CELF2: variants seen among roughly 807,000 people sequenced by gnomAD.
CELF2 encodes CUGBP Elav-like family member 2, also known as CUG triplet repeat RNA-binding protein 2.
In CELF2, 8 loss-of-function variants were observed where a neutral mutation model predicts 62.6. The ratio of observed to expected loss-of-function variants is 0.13; its 90% CI spans 0.07 to 0.23. The LOEUF (loss-of-function observed/expected upper bound fraction) is 0.23. Among genes scored for constraint, CELF2 ranks in the 10% least tolerant of loss-of-function variants. The pLI is 1.00. For synonymous variants in CELF2, 258 were observed against 250.0 expected, an observed-to-expected ratio of 1.03 and a Z score of -0.30; for missense variants, 333 against 671.0, an observed-to-expected ratio of 0.50 and a Z score of 5.56.
In CELF2 at chr10:10,993,337, G is replaced by C. The variant is rs1001561661; in HGVS notation, c.89+73338G>C. ...ACTCATTTCAAAGCCATCACAAGAG[G>C]CATCTAATTGAAGCTACTAGAAAGA... On this transcript the variant is annotated intron_variant, in intron 2 of 13. Transcript: ENST00000636488. The surrounding 1 kb of genome is among the most constrained non-coding windows in gnomAD (Gnocchi z 5.3). Among the ~76,000 whole-genome samples the C allele has an allele frequency of 4.6e-5, 7 of 152,062 alleles. No individual in the cohort carries two copies. The highest frequency in any genetic ancestry group is 1.0e-4 in the Non-Finnish European group (7 of 68,006).
chr10:10,919,893 G>T, intron 1 of CELF2: 8 of 1,012,268 alleles, frequency 7.9e-6, no homozygotes, highest in Non-Finnish European at 1.0e-5. Context: ...CTTATTATGT[G>T]ATTAAATACA....
intron 1 of CELF2, among the ~76,000 whole-genome samples, chr10:11,129,735 A>AT (rs1564860719): frequency 1.3e-5 from 2 of 152,156 alleles, no homozygotes; most frequent in Non-Finnish European, 2.9e-5. Flanking sequence ...CCCCGTTATC[A>AT]TTTTTTATTG....
intron 1 of CELF2, among the ~76,000 whole-genome samples, chr10:11,056,568 C>T (rs1480895746): frequency 6.6e-6 from 1 of 152,090 alleles, no homozygotes; most frequent in African/African-American, 2.4e-5. Context: ...AATTCTTGTG[C>T]AGAAAGGGAA....
chr10:11,272,206 G>A (rs926897751), intron 7 of CELF2, among the ~76,000 whole-genome samples: 2 of 152,164 alleles, frequency 1.3e-5, no homozygotes, highest in Non-Finnish European at 2.9e-5. Flanking sequence ...ATCACTTTCT[G>A]TCCATTTCTC....
intron 1 of CELF2, among the ~76,000 whole-genome samples, chr10:11,076,007 A>G (rs940348665): frequency 2.0e-5 from 3 of 152,124 alleles, no homozygotes; most frequent in African/African-American, 7.2e-5. Flanking sequence ...GAAAATACCA[A>G]TTAAGAACAT....
rs184295167 is a variant in CELF2, at chr10:11,165,379, T to C, written c.75-107T>C. 5.5e-4 allele frequency: 840 copies of C among 1,523,438 alleles called. 1 individual carries two copies. The highest frequency in any genetic ancestry group is 1.1e-3 in the South Asian group (81 of 76,492). 94.4% of individuals were successfully genotyped at this position (1,523,438 alleles called of 1,614,324 possible). A position where few individuals can be genotyped will look rare whatever the true frequency, so the allele number is the denominator to read the frequency against. ...GACTCATTAGGCACTTTGCCACTGC[T>C]CTTCTTCCTCCTCCTTCCGCCTCCC... On this transcript the variant is annotated intron_variant, in intron 1 of 12. Transcript: ENST00000633077. This position sits in a 1 kb window ranked among gnomAD's most constrained non-coding sequence, Gnocchi z 7.4.
At chr10:11,007,901 T>C (rs1023968355) in intron 1 of CELF2, among the ~76,000 whole-genome samples, 1 of 152,170 alleles carries the variant, frequency 6.6e-6, no homozygotes, top group Non-Finnish European at 1.5e-5. Flanking sequence ...TCACTCTAAT[T>C]CCTGGGTAGT....
rs1213964895 is a variant in CELF2 at position 11,334,423 on chromosome 10, CCTCA to C, written c.*5373_*5376del. ...TATATGTTGGTGATACATCTGCACA[CCTCA>C]CTGTTTCACGTATCTGTTTTTTTCT... On this transcript the variant is annotated 3_prime_UTR_variant, in exon 13 of 13. Transcript: ENST00000633077. 1 of 152,782 alleles carries C rather than the reference CCTCA, an allele frequency of 6.5e-6. No homozygotes were observed. The highest frequency in any genetic ancestry group is 6.5e-5 in the Admixed American group (1 of 15,310). The allele number at this position is 152,782 out of a possible 1,614,324, so 9.5% of individuals were successfully genotyped here. A position where few individuals can be genotyped will look rare whatever the true frequency, so the allele number is the denominator to read the frequency against.
intron 2 of CELF2, among the ~76,000 whole-genome samples, chr10:11,173,838 A>G (rs2069900290): frequency 6.6e-6 from 1 of 152,266 alleles, no homozygotes. Context: ...GAAGGGCTGG[A>G]AAGATAATTG....
chr10:10,695,912 A>G, the CELF2 span, among the ~76,000 whole-genome samples: 19 of 151,092 alleles, frequency 1.3e-4, 1 homozygote, highest in African/African-American at 4.4e-4. Context: ...ATTCTTCTAA[A>G]TTTTTTTCAA....
chr10:11,093,532 C>T (rs868733185), intron 1 of CELF2, among the ~76,000 whole-genome samples: 10 of 152,146 alleles, frequency 6.6e-5, no homozygotes, highest in Admixed American at 1.3e-4. Context: ...ATCCCAGCTC[C>T]GTAATTGTAG....
At chr10:11,029,665 G>C (rs576637305) in intron 1 of CELF2, among the ~76,000 whole-genome samples, 1 of 152,354 alleles carries the variant, frequency 6.6e-6, no homozygotes, top group Non-Finnish European at 1.5e-5. Flanking sequence ...AAAGATGACT[G>C]TTGTTGCTGA....
chr10:11,106,056 G>T (rs933568195), intron 1 of CELF2, among the ~76,000 whole-genome samples: 4 of 152,138 alleles, frequency 2.6e-5, no homozygotes, highest in African/African-American at 9.7e-5. Flanking sequence ...GAGAAATGAT[G>T]AAAAGTTTTT....
intron 7 of CELF2, 47 bp from the exon 8 acceptor site, chr10:11,275,010 A>T (rs1224730225): frequency 6.4e-7 from 1 of 1,563,388 alleles, no homozygotes; most frequent in Admixed American, 1.7e-5. Flanking sequence ...TGAGGGAGTT[A>T]CTTTGCTCTC....
the CELF2 span, among the ~76,000 whole-genome samples, chr10:10,562,115 G>T: frequency 2.6e-5 from 4 of 152,308 alleles, no homozygotes; most frequent in Admixed American, 1.3e-4. Context: ...ACTTCCCCCA[G>T]TGGAGAGGTT....
At chr10:11,094,711 A>G (rs1266710984) in intron 1 of CELF2, among the ~76,000 whole-genome samples, 2 of 152,238 alleles carry the variant, frequency 1.3e-5, no homozygotes, top group African/African-American at 4.8e-5. Context: ...TCATGTGTCC[A>G]TCCATGTTAG....
At chr10:10,653,915 C>T in the CELF2 span, among the ~76,000 whole-genome samples, 2 of 151,818 alleles carry the variant, frequency 1.3e-5, no homozygotes, top group African/African-American at 2.4e-5. Flanking sequence ...TTCAAAACAT[C>T]AATGAATCCA....
the CELF2 span, among the ~76,000 whole-genome samples, chr10:10,731,700 T>C: frequency 1.3e-5 from 2 of 152,210 alleles, no homozygotes; most frequent in African/African-American, 4.8e-5. Flanking sequence ...ACACTGCTAC[T>C]TTCAATCAAT....
At chr10:11,219,877 T>C (rs986304782) in intron 3 of CELF2, among the ~76,000 whole-genome samples, 7 of 152,226 alleles carry the variant, frequency 4.6e-5, no homozygotes, top group African/African-American at 1.7e-4. Context: ...AATATACACC[T>C]GTTTTCCCAC....
Sources: allele counts gnomAD v4.1 joint callset (sites outside exome capture counted in the v4.1 genomes callset), GRCh38; gene constraint gnomAD v4.1.1; non-coding constraint Gnocchi (gnomAD v3.1); transcripts MANE v1.5; gene names NCBI Gene and HGNC (gene_info 2026-07-23, HGNC 2026-07-21).